Variants in SETD3 observed in about 807,000 individuals in gnomAD.
The protein encoded by SETD3 is actin-histidine N-methyltransferase.
Under a neutral mutation model 63.0 loss-of-function variants are expected in SETD3, and 19 were observed. That is an observed-to-expected ratio of 0.30 (90% CI 0.21 to 0.44). SETD3 has a LOEUF of 0.44. Among genes scored for constraint, SETD3 ranks in the 20% least tolerant of loss-of-function variants. SETD3 has a pLI of 1.00. For missense variants in SETD3, 587 were observed against 728.5 expected (o/e 0.81, Z 2.24); for synonymous variants, 286 against 264.1 (o/e 1.08, Z -0.80).
At chr14:99,419,301 A>G (rs976365357) in intron 6 of SETD3, among the ~76,000 whole-genome samples, 1 of 152,224 alleles carries the variant, frequency 6.6e-6, no homozygotes, top group Admixed American at 6.5e-5. Flanking sequence ...GTATCACCTT[A>G]TAATTTAAAA....
intron 8 of SETD3, chr14:99,410,232 A>G (rs1202852275): frequency 6.2e-7 from 1 of 1,613,600 alleles, no homozygotes; most frequent in African/African-American, 1.3e-5. Flanking sequence ...AATAGCAGGG[A>G]ACCAGAGGTG....
At chr14:99,464,426 T>C (rs1315203938) in intron 2 of SETD3, among the ~76,000 whole-genome samples, 2 of 152,142 alleles carry the variant, frequency 1.3e-5, no homozygotes, top group Non-Finnish European at 2.9e-5. Context: ...CTTACTTCAT[T>C]CTCCAACAAT....
At chr14:99,469,289 C>T (rs186864975) in intron 1 of SETD3, among the ~76,000 whole-genome samples, 2 of 152,300 alleles carry the variant, frequency 1.3e-5, no homozygotes, top group South Asian at 2.1e-4. Context: ...ACGCAATCTT[C>T]AAAAGTCCTG....
chr14:99,432,269 G>A (rs1253952198), intron 6 of SETD3, among the ~76,000 whole-genome samples: 1 of 152,170 alleles, frequency 6.6e-6, no homozygotes, highest in Non-Finnish European at 1.5e-5. Context: ...AAAATTAACA[G>A]CATGCTTTAG....
chr14:99,474,445 T>A (rs1311914778), intron 1 of SETD3, among the ~76,000 whole-genome samples: 1 of 152,230 alleles, frequency 6.6e-6, no homozygotes, highest in Non-Finnish European at 1.5e-5. Flanking sequence ...AGTAACTACT[T>A]AAGTACCAAG....
At chr14:99,456,296 G>A (rs1894756888) in intron 6 of SETD3, among the ~76,000 whole-genome samples, 1 of 152,128 alleles carries the variant, frequency 6.6e-6, no homozygotes, top group African/African-American at 2.4e-5. Context: ...CAAATATTCA[G>A]ACTGATTTAA....
chr14:99,461,617 G>A (rs1479812944), intron 3 of SETD3, among the ~76,000 whole-genome samples: 2 of 152,152 alleles, frequency 1.3e-5, no homozygotes, highest in Non-Finnish European at 2.9e-5. Flanking sequence ...TAGGTAATAC[G>A]ATGGCAAAGG....
chr14:99,456,556 GA>G (rs1894773085), intron 6 of SETD3, among the ~76,000 whole-genome samples: 1 of 152,128 alleles, frequency 6.6e-6, no homozygotes, highest in African/African-American at 2.4e-5. Context: ...TTTACTTTTA[GA>G]ATGTTCTCTA....
chr14:99,483,207 TG>T (rs1213095505), upstream of SETD3, among the ~76,000 whole-genome samples: 1 of 152,020 alleles, frequency 6.6e-6, no homozygotes, highest in Non-Finnish European at 1.5e-5. Flanking sequence ...TATGAGTACT[TG>T]GGAAAGGAGA....
chr14:99,399,199 TG>T, intron 12 of SETD3, 74 bp from the exon 13 acceptor site: 1 of 1,361,370 alleles, frequency 7.3e-7, no homozygotes, highest in Non-Finnish European at 1.0e-6. Context: ...GCACAACGGC[TG>T]GGGATGGGGA....
At chr14:99,438,202 C>T (rs1024218248) in intron 6 of SETD3, among the ~76,000 whole-genome samples, 11 of 152,206 alleles carry the variant, frequency 7.2e-5, no homozygotes, top group Admixed American at 2.0e-4. Context: ...GACAGCTTTT[C>T]GTTCAGACAT....
upstream of SETD3, among the ~76,000 whole-genome samples, chr14:99,482,280 C>G (rs1896358584): frequency 6.6e-6 from 1 of 152,252 alleles, no homozygotes. Flanking sequence ...GTATCTCGAT[C>G]TAAATCGCTG....
At position 99,455,227 on chromosome 14, in the gene SETD3, C is replaced by G. The variant is rs145921209; in HGVS notation, c.675+3052G>C. On this transcript the variant is annotated intron_variant, in intron 6 of 12. Coordinates refer to ENST00000331768, the MANE Select transcript of SETD3 (RefSeq NM_032233.3). ...CCGGCCCAGGGGCCAGGGTTCCTTC[C>G]CTCCCATCACTCAAATGCTCCTTCC... Among the ~76,000 whole-genome samples, 717 of 152,316 alleles carry G rather than the reference C, an allele frequency of 4.7e-3. 7 individuals are homozygous for G. The highest frequency in any genetic ancestry group is 6.9e-3 in the Non-Finnish European group (471 of 68,028).
At chr14:99,400,409 A>C in intron 11 of SETD3, 150 bp from the exon 12 acceptor site, 2 of 789,206 alleles carry the variant, frequency 2.5e-6, no homozygotes, top group Middle Eastern at 2.5e-4. Context: ...CCACTCCTAG[A>C]CTCTCCAAAG....
intron 6 of SETD3, among the ~76,000 whole-genome samples, chr14:99,432,969 T>C (rs1387692694): frequency 4.6e-5 from 7 of 152,138 alleles, no homozygotes; most frequent in Non-Finnish European, 8.8e-5. Context: ...ACTGATAAAT[T>C]AGACTTTGTT....
upstream of SETD3, among the ~76,000 whole-genome samples, chr14:99,483,586 T>C (rs907224525): frequency 2.0e-5 from 3 of 152,204 alleles, no homozygotes; most frequent in Admixed American, 6.5e-5. Context: ...TATTTCCTTT[T>C]GTTACAGTTT....
rs11622717 is a variant in SETD3 at position 99,470,610 on chromosome 14, C to T, written c.-8-4797G>A. On this transcript the variant is annotated intron_variant, in intron 1 of 12. Coordinates refer to ENST00000331768, the MANE Select transcript of SETD3 (RefSeq NM_032233.3). ...CCCCACTGGCTGGGTCTACCCTGTC[C>T]GAGGGCTCTCCTCAGTCCCCTGTAC... is the stretch of plus-strand genomic sequence containing the variant. 2.2e-4 allele frequency among the ~76,000 whole-genome samples: 33 copies of T among 152,138 alleles called. No individual in the cohort carries two copies. In the East Asian group the frequency reaches 5.8e-3, roughly 27 times the overall value.
intron 8 of SETD3, chr14:99,410,218 G>A (rs370769322): frequency 2.5e-6 from 4 of 1,613,634 alleles, no homozygotes; most frequent in African/African-American, 1.3e-5. Flanking sequence ...TCTGGTGTCT[G>A]AAGAATAGCA....
At position 99,413,055 on chromosome 14, in the gene SETD3, A is replaced by C; in HGVS notation, c.745T>G (p.Ser249Ala). 1 of 1,602,590 alleles carries C rather than the reference A, an allele frequency of 6.2e-7. No individual in the cohort carries two copies. The highest frequency in any genetic ancestry group is 8.5e-7 in the Non-Finnish European group (1 of 1,169,802). Residue 249 changes from serine to alanine, a missense_variant, in exon 8 of 13, where the codon TCT becomes GCT. By Grantham distance (99) the Ser-to-Ala change is moderately conservative. Transcript: ENST00000331768. ...TGGTTTTGCCTCGTCATAACAGAAG[A>C]GACTGCCCACCTATAACAAGATAAA... is the stretch of plus-strand genomic sequence containing the variant. ...FTYEDYRWAV[S>A]SVMTRQNQIP...
Sources: allele counts gnomAD v4.1 joint callset (sites outside exome capture counted in the v4.1 genomes callset), GRCh38; gene constraint gnomAD v4.1.1; transcripts MANE v1.5; gene names NCBI Gene and HGNC (gene_info 2026-07-23, HGNC 2026-07-21).